Variants in LRRC4C observed in about 807,000 individuals in gnomAD.
LRRC4C encodes leucine-rich repeat-containing protein 4C.
A neutral mutation model predicts 33.6 loss-of-function variants in LRRC4C; 5 were observed. The ratio of observed to expected loss-of-function variants is 0.15; its 90% CI spans 0.08 to 0.31. The LOEUF (loss-of-function observed/expected upper bound fraction) is 0.31. Among genes scored for constraint, LRRC4C ranks in the 10% least tolerant of loss-of-function variants. The probability of loss-of-function intolerance (pLI) is 1.00; values close to 1 mark genes in which losing one functional copy is unlikely to be tolerated. For missense variants in LRRC4C, 560 were observed against 796.7 expected, an observed-to-expected ratio of 0.70 and a Z score of 3.58; for synonymous variants, 329 against 302.0, an observed-to-expected ratio of 1.09 and a Z score of -0.93.
At chr11:40,732,568 A>G (rs1279251973) in intron 2 of LRRC4C, among the ~76,000 whole-genome samples, 1 of 152,214 alleles carries the variant, frequency 6.6e-6, no homozygotes, top group East Asian at 1.9e-4. Context: ...GCATGCTAGA[A>G]GAAAGAGATC....
At chr11:40,148,583 C>A (rs1857934478) in intron 5 of LRRC4C, among the ~76,000 whole-genome samples, 1 of 152,080 alleles carries the variant, frequency 6.6e-6, no homozygotes, top group Non-Finnish European at 1.5e-5. Flanking sequence ...GGATATTAGA[C>A]CTTTGTCAGA....
chr11:40,479,548 A>C (rs1953432400), intron 3 of LRRC4C, among the ~76,000 whole-genome samples: 1 of 152,202 alleles, frequency 6.6e-6, no homozygotes, highest in African/African-American at 2.4e-5. Context: ...TCAGGGAAGA[A>C]CTGGATCAAA....
At chr11:40,805,360 A>G (rs1565083156) in intron 2 of LRRC4C, among the ~76,000 whole-genome samples, 1 of 152,194 alleles carries the variant, frequency 6.6e-6, no homozygotes, top group Non-Finnish European at 1.5e-5. Flanking sequence ...CTACCACTTG[A>G]CCAATTGGAC....
chr11:41,293,551 C>T (rs561727949), intron 1 of LRRC4C, among the ~76,000 whole-genome samples: 94 of 152,026 alleles, frequency 6.2e-4, no homozygotes, highest in African/African-American at 2.1e-3. Context: ...ATTTAAAATA[C>T]TTCACTAATC....
intron 3 of LRRC4C, among the ~76,000 whole-genome samples, chr11:40,502,621 C>T (rs1285382349): frequency 6.6e-6 from 1 of 152,152 alleles, no homozygotes; most frequent in Non-Finnish European, 1.5e-5. Flanking sequence ...ATTCAATTAT[C>T]TCCCACCTGG....
At chr11:41,115,352 C>G (rs942622652) in intron 1 of LRRC4C, among the ~76,000 whole-genome samples, 2 of 151,664 alleles carry the variant, frequency 1.3e-5, no homozygotes, top group Non-Finnish European at 2.9e-5. Flanking sequence ...CTGACTAGAT[C>G]ACTGTTCCCT....
At chr11:41,350,248 C>T (rs1429866110) in intron 1 of LRRC4C, among the ~76,000 whole-genome samples, 4 of 152,236 alleles carry the variant, frequency 2.6e-5, no homozygotes, top group African/African-American at 7.2e-5. Flanking sequence ...CAGTGGCTCA[C>T]GCCTGTAATC....
chr11:40,274,267 G>T (rs1027495031), intron 4 of LRRC4C, among the ~76,000 whole-genome samples: 2 of 151,892 alleles, frequency 1.3e-5, no homozygotes, highest in African/African-American at 4.8e-5. Context: ...AAAGATTCCC[G>T]TCAAGCCTCT....
At chr11:40,299,785 T>C (rs1286241442) in intron 4 of LRRC4C, among the ~76,000 whole-genome samples, 1 of 152,212 alleles carries the variant, frequency 6.6e-6, no homozygotes, top group Non-Finnish European at 1.5e-5. Flanking sequence ...ATAGTAGCTA[T>C]GCTAATTACA....
At chr11:40,696,300 G>GTGTGTATATATATATATATATATATATA (rs1435212533) in intron 2 of LRRC4C, among the ~76,000 whole-genome samples, 2 of 92,050 alleles carry the variant, frequency 2.2e-5, no homozygotes, top group African/African-American at 1.7e-4. Flanking sequence ...ATATATATAT[G>GTGTGTATATATATATATATATATATATA]GTATATATAT....
At chr11:41,243,076 A>T (rs1356933213) in intron 1 of LRRC4C, among the ~76,000 whole-genome samples, 1 of 152,182 alleles carries the variant, frequency 6.6e-6, no homozygotes, top group Non-Finnish European at 1.5e-5. Flanking sequence ...TCTTTCAGGC[A>T]TCAAAGTTTA....
At chr11:41,318,725 T>C (rs1471478838) in intron 1 of LRRC4C, among the ~76,000 whole-genome samples, 2 of 152,226 alleles carry the variant, frequency 1.3e-5, no homozygotes, top group Non-Finnish European at 2.9e-5. Context: ...CTATGTGTGT[T>C]TGTGGTTATA....
At position 40,886,903 on chromosome 11, in the gene LRRC4C, A is replaced by G. The variant is rs142466394; in HGVS notation, c.-407+46732T>C. Among the ~76,000 whole-genome samples the G allele has an allele frequency of 3.0e-3, 443 of 147,394 alleles. 1 individual carries two copies. Among genetic ancestry groups the G allele is most frequent in the African/African-American group, 8.7e-3 (340 of 39,018 alleles). On this transcript the variant is annotated intron_variant, in intron 2 of 6. Coordinates refer to ENST00000528697, the MANE Select transcript of LRRC4C (RefSeq NM_001258419.2). Reference sequence around the variant, plus strand: ...TATATATGTGTGTGTGTGTGTGTGTATATACACACAGCAAATATTTATATA... The same window carrying G: ...TATATATGTGTGTGTGTGTGTGTGTGTATACACACAGCAAATATTTATATA...
intron 2 of LRRC4C, among the ~76,000 whole-genome samples, chr11:40,888,412 A>G (rs1484941100): frequency 6.6e-6 from 1 of 151,920 alleles, no homozygotes; most frequent in East Asian, 1.9e-4. Context: ...TATTCAATCT[A>G]TTGCATGTAT....
At chr11:40,548,885 TCA>T (rs1957029380) in intron 3 of LRRC4C, among the ~76,000 whole-genome samples, 2 of 152,278 alleles carry the variant, frequency 1.3e-5, no homozygotes, top group South Asian at 2.1e-4. Context: ...GAGCTGAATC[TCA>T]GAGTTCAATT....
chr11:40,483,981 A>G (rs1953726359), intron 3 of LRRC4C, among the ~76,000 whole-genome samples: 2 of 152,158 alleles, frequency 1.3e-5, no homozygotes, highest in South Asian at 4.1e-4. Flanking sequence ...GACTTAACCA[A>G]TAATAAGTAA....
At chr11:40,910,092 G>A (rs1172264306) in intron 2 of LRRC4C, among the ~76,000 whole-genome samples, 1 of 151,958 alleles carries the variant, frequency 6.6e-6, no homozygotes, top group Non-Finnish European at 1.5e-5. Flanking sequence ...AAACTTGTTG[G>A]TCTCTATACA....
At chr11:40,596,609 C>G (rs1959335247) in intron 3 of LRRC4C, among the ~76,000 whole-genome samples, 1 of 151,866 alleles carries the variant, frequency 6.6e-6, no homozygotes, top group African/African-American at 2.4e-5. Context: ...CACCCCTCCC[C>G]ACTCCCCTTC....
intron 1 of LRRC4C, among the ~76,000 whole-genome samples, chr11:41,260,209 C>T (rs1470849617): frequency 6.6e-6 from 1 of 152,020 alleles, no homozygotes; most frequent in Middle Eastern, 3.4e-3. Flanking sequence ...ATACGTAATG[C>T]AAAGATACCT....
Sources: gnomAD v4.1 joint callset for allele counts (sites outside exome capture counted in the v4.1 genomes callset) on GRCh38, gnomAD v4.1.1 for gene constraint, MANE v1.5 for transcripts, NCBI Gene and HGNC (gene_info 2026-07-23, HGNC 2026-07-21) for gene names.